Variants in ORM1 observed in about 807,000 individuals in gnomAD.
ORM1 encodes alpha-1-acid glycoprotein 1.
A neutral mutation model predicts 26.9 loss-of-function variants in ORM1; 13 were observed. The observed-to-expected ratio is 0.48, with a 90% CI of 0.31 to 0.77. The LOEUF is 0.77. Ranked by LOEUF, ORM1 falls within the 30% of genes least tolerant of loss-of-function variation. ORM1 has a pLI of 0.04. For missense variants in ORM1, 189 were observed against 246.8 expected, an observed-to-expected ratio of 0.77 and a Z score of 1.57; for synonymous variants, 76 against 102.2, an observed-to-expected ratio of 0.74 and a Z score of 1.55.
chr9:114,323,258 G>C lies in ORM1; in HGVS notation c.114+11G>C, dbSNP rs1486520524. 9 of 1,607,814 alleles carry C rather than the reference G, an allele frequency of 5.6e-6. No individual in the cohort carries two copies. On this transcript the variant is annotated intron_variant, in intron 1 of 5. Transcript: ENST00000259396. ...GCCACCCTGGACCGGGTGAGTGCCTGGGCTAGCCCTGTCCTGAGCACATGG... is the reference window on the plus strand; with the variant it reads ...GCCACCCTGGACCGGGTGAGTGCCTCGGCTAGCCCTGTCCTGAGCACATGG...
chr9:114,326,119 C>T (rs912877010), intron 5 of ORM1, among the ~76,000 whole-genome samples, 173 bp from the exon 6 acceptor site: 6 of 150,388 alleles, frequency 4.0e-5, no homozygotes, highest in African/African-American at 1.5e-4. Context: ...GGTTCAGAGA[C>T]AGAAAATGAC....
At chr9:114,324,117 T>A (rs1159217991) in intron 3 of ORM1, 29 bp downstream of exon 3, 3 of 1,604,858 alleles carry the variant, frequency 1.9e-6, no homozygotes, top group African/African-American at 2.7e-5. Context: ...GCAGGAGGGT[T>A]CACTGTGGGA....
Position 114,326,190 on chromosome 9 carries a change from G to C in ORM1, c.541-102G>C, listed in dbSNP as rs1475504985. 16 of 1,547,816 alleles carry C rather than the reference G, an allele frequency of 1.0e-5. 1 individual carries two copies. The highest frequency in any genetic ancestry group is 1.3e-5 in the Non-Finnish European group (15 of 1,146,064). ...CAGGGTTGGAGCCCTGGTTGAGCTG[G>C]TTCCACAGGCCAGAGCTCATTCTGC... On this transcript the variant is annotated intron_variant, in intron 5 of 5. Transcript: ENST00000259396.
At chr9:114,326,239 C>T (rs1039821525) in intron 5 of ORM1, 53 bp from the exon 6 acceptor site, 4 of 1,594,238 alleles carry the variant, frequency 2.5e-6, no homozygotes, top group Admixed American at 3.5e-5. Context: ...GACCTCCCAC[C>T]CTGTCCCCAT....
rs1171503048 is a variant in ORM1 at position 114,325,131 on chromosome 9, C to A, written c.519C>A (p.Val173=). 4 of 1,613,990 alleles carry A rather than the reference C, an allele frequency of 2.5e-6. No homozygotes were observed. In the African/African-American group the frequency reaches 4.0e-5, roughly 16 times the overall value. ...LDCLRIPKSD[V]VYTDWKKDKC... The stretch of plus-strand genomic sequence containing the variant: ...GCTTGCGCATTCCCAAGTCAGATGT[C>A]GTGTACACCGATTGGAAAAAGGTAA... Residue 173 remains valine, a synonymous_variant, in exon 5 of 6, where the codon GTC becomes GTA. Transcript: ENST00000259396.
chr9:114,325,143 T>C lies in ORM1; in HGVS notation c.531T>C (p.Asp177=), dbSNP rs1126810. The change falls in exon 5 of 6, where the codon GAT becomes GAC. Residue 177 remains aspartate (D), a synonymous_variant. Transcript: ENST00000259396. The part of the protein sequence containing the change: ...RIPKSDVVYT[D]WKKDKCEPLE... ...CCAAGTCAGATGTCGTGTACACCGATTGGAAAAAGGTAAACGCAAGGGATT... is the reference window on the plus strand; with the variant it reads ...CCAAGTCAGATGTCGTGTACACCGACTGGAAAAAGGTAAACGCAAGGGATT... The C allele has an allele frequency of 1.9e-3, 3,094 of 1,613,134 alleles. 13 individuals carry two copies. The highest frequency in any genetic ancestry group is 0.011 in the African/African-American group (830 of 74,678).
In ORM1 at chr9:114,323,244, C is replaced by T; in HGVS notation, c.111C>T (p.Asp37=). 4 of 1,588,046 alleles carry T rather than the reference C, an allele frequency of 2.5e-6. No individual in the cohort carries two copies. The highest frequency in any genetic ancestry group is 3.4e-6 in the Non-Finnish European group (4 of 1,166,844). ...TGCCCATCACCAACGCCACCCTGGA[C>T]CGGGTGAGTGCCTGGGCTAGCCCTG... is the stretch of plus-strand genomic sequence containing the variant. ...VPVPITNATL[D]RITGKWFYIA... is the part of the protein sequence containing the mutation. Residue 37 remains aspartate (D), a synonymous_variant, in exon 1 of 6, where the codon GAC becomes GAT. Transcript: ENST00000259396.
At position 114,324,038 on chromosome 9, in the gene ORM1, A is replaced by G. The variant is rs775455856; in HGVS notation, c.278A>G (p.Asn93Ser). The part of the protein sequence containing the change: ...YQTRQDQCIY[N>S]TTYLNVQREN... Reference sequence around the variant, plus strand: ...TTTAGACAGGACCAGTGCATCTATAACACCACCTACCTGAATGTCCAGCGG... The same window carrying G: ...TTTAGACAGGACCAGTGCATCTATAGCACCACCTACCTGAATGTCCAGCGG... Residue 93 changes from asparagine (N) to serine (S), a missense_variant, in exon 3 of 6, where the codon AAC becomes AGC. Physicochemically the swap from Asn to Ser is conservative, Grantham distance 46. This residue lies in a region of ORM1 where 163 missense variants were observed against 157.7 expected (regional missense o/e 1.03). Coordinates refer to ENST00000259396, the MANE Select transcript of ORM1 (RefSeq NM_000607.4). 1 of 1,613,950 alleles carries G rather than the reference A, an allele frequency of 6.2e-7. No individual in the cohort carries two copies. The highest frequency in any genetic ancestry group is 1.1e-5 in the South Asian group (1 of 91,060).
intron 5 of ORM1, among the ~76,000 whole-genome samples, chr9:114,325,534 AT>A (rs1380127726): frequency 6.6e-6 from 1 of 151,894 alleles, no homozygotes; most frequent in East Asian, 1.9e-4. Flanking sequence ...GCAGTGGGGA[AT>A]TGATACTGTG....
At chr9:114,324,971 C>G in intron 4 of ORM1, 74 bp downstream of exon 4, 21 of 1,580,182 alleles carry the variant, frequency 1.3e-5, no homozygotes, top group Non-Finnish European at 1.8e-5. Context: ...CCTGGGCTGG[C>G]CCCTAGAACC....
Position 114,324,090 on chromosome 9 carries a change from T to A in ORM1, c.328+2T>A. 6.2e-7 allele frequency: 1 copy of A among 1,613,796 alleles called. No individual in the cohort carries two copies. Among genetic ancestry groups the A allele is most frequent in the Non-Finnish European group, 8.5e-7 (1 of 1,179,816 alleles). ...AAAATGGGACCATCTCCAGATACGG[T>A]GAGGGCCAGCCCTCAGGCAGGAGGG... On this transcript the variant is annotated splice_donor_variant, in intron 3 of 5. Transcript: ENST00000259396. LOFTEE classifies it high-confidence loss of function.
intron 3 of ORM1, among the ~76,000 whole-genome samples, chr9:114,324,441 T>C (rs1025954488): frequency 6.6e-6 from 1 of 152,202 alleles, no homozygotes; most frequent in Non-Finnish European, 1.5e-5. Flanking sequence ...TACCTTCAAC[T>C]ATGTCCCCCA....
Position 114,323,266 on chromosome 9 carries a change from C to T in ORM1, c.114+19C>T, listed in dbSNP as rs1363913115. 3 of 1,609,824 alleles carry T rather than the reference C, an allele frequency of 1.9e-6. No individual in the cohort carries two copies. Among genetic ancestry groups the T allele is most frequent in the Non-Finnish European group, 2.5e-6 (3 of 1,178,032 alleles). On this transcript the variant is annotated intron_variant, in intron 1 of 5. Transcript: ENST00000259396. ...GGACCGGGTGAGTGCCTGGGCTAGCCCTGTCCTGAGCACATGGGCAGCTGC... is the reference window on the plus strand; with the variant it reads ...GGACCGGGTGAGTGCCTGGGCTAGCTCTGTCCTGAGCACATGGGCAGCTGC...
chr9:114,324,220 G>C (rs186571933), intron 3 of ORM1, 132 bp downstream of exon 3: 201 of 865,504 alleles, frequency 2.3e-4, no homozygotes, highest in African/African-American at 3.5e-4. Context: ...GAGCTCTAAC[G>C]ATGTGCTCAG....
Position 114,323,700 on chromosome 9 carries a change from G to A in ORM1, c.152G>A (p.Arg51Gln), listed in dbSNP as rs146832261. Residue 51 changes from arginine (R) to glutamine (Q), a missense_variant, in exon 2 of 6, where the codon CGA (arginine) becomes CAA (glutamine). Physicochemically the swap from Arg to Gln is conservative, Grantham distance 43. This residue lies in a region of ORM1 where 20 missense variants were observed against 64.2 expected (regional missense o/e 0.31). Transcript: ENST00000259396. Reference protein sequence around the residue: ...GKWFYIASAFRNEEYNKSVQE... With the variant: ...GKWFYIASAFQNEEYNKSVQE... Reference sequence around the variant, plus strand: ...TGGTTTTATATCGCATCGGCCTTTCGAAACGAGGAGTACAATAAGTCGGTT... The same window carrying A: ...TGGTTTTATATCGCATCGGCCTTTCAAAACGAGGAGTACAATAAGTCGGTT... The A allele has an allele frequency of 4.3e-5, 69 of 1,613,854 alleles. No homozygotes were observed. The African/African-American group carries it at 4.9e-4, about 12-fold the overall frequency.
At chr9:114,325,948 T>A (rs1287963123) in intron 5 of ORM1, among the ~76,000 whole-genome samples, 17 of 151,824 alleles carry the variant, frequency 1.1e-4, no homozygotes, top group African/African-American at 3.9e-4. Flanking sequence ...CTCGAATGGG[T>A]CCCAAGGCCA....
chr9:114,324,204 A>G lies in ORM1; in HGVS notation c.328+116A>G, dbSNP rs544987487. ...TGGGCACAGAGAAATAACCACTAAC[A>G]TTTTTGAGCTCTAACGATGTGCTCA... On this transcript the variant is annotated intron_variant, in intron 3 of 5. Transcript: ENST00000259396. The G allele has an allele frequency of 5.6e-5, 54 of 960,916 alleles. No homozygotes were observed. The East Asian group carries it at 1.1e-3, about 20-fold the overall frequency. The allele number at this position is 960,916 out of a possible 1,614,324, so 59.5% of individuals were successfully genotyped here.
At position 114,325,114 on chromosome 9, in the gene ORM1, A is replaced by C. The variant is rs562745161; in HGVS notation, c.502A>C (p.Ile168Leu). Residue 168 changes from isoleucine to leucine, a missense_variant, in exon 5 of 6, where the codon ATT (isoleucine) becomes CTT (leucine). By Grantham distance (5) the Ile-to-Leu change is conservative (BLOSUM62 2). Around this residue, in one of 3 missense-constraint regions of ORM1, gnomAD observed 163 missense variants for 157.7 expected, o/e 1.03. Transcript: ENST00000259396. Reference sequence around the variant, plus strand: ...CTACGAAGCTCTCGACTGCTTGCGCATTCCCAAGTCAGATGTCGTGTACAC... The same window carrying C: ...CTACGAAGCTCTCGACTGCTTGCGCCTTCCCAAGTCAGATGTCGTGTACAC... The part of the protein sequence containing the change: ...EFYEALDCLR[I>L]PKSDVVYTDW... The C allele has an allele frequency of 1.2e-6, 2 of 1,613,892 alleles. No homozygotes were observed. Among genetic ancestry groups the C allele is most frequent in the Admixed American group, 3.3e-5 (2 of 60,006 alleles).
chr9:114,323,943 C>T, intron 2 of ORM1, 75 bp from the exon 3 acceptor site: 1 of 1,599,992 alleles, frequency 6.3e-7, no homozygotes, highest in Non-Finnish European at 8.6e-7. Flanking sequence ...AGACTCTTGC[C>T]CCAGGACTGT....
Sources: allele counts gnomAD v4.1 joint callset (sites outside exome capture counted in the v4.1 genomes callset), GRCh38; gene constraint gnomAD v4.1.1; regional missense constraint gnomAD v4.1.1; transcripts MANE v1.5; gene names NCBI Gene and HGNC (gene_info 2026-07-23, HGNC 2026-07-21).